Variants in DOK6 observed in about 807,000 individuals in gnomAD.
DOK6 encodes downstream of tyrosine kinase 6.
DOK6 carries 22 observed loss-of-function variants against 44.0 expected under a neutral mutation model. The ratio of observed to expected loss-of-function variants is 0.50; its 90% CI spans 0.36 to 0.71. The LOEUF (loss-of-function observed/expected upper bound fraction) is 0.71. Ranked by LOEUF, DOK6 falls within the 30% of genes least tolerant of loss-of-function variation. The pLI is 0.00. For synonymous variants in DOK6, 166 were observed against 145.5 expected (o/e 1.14, Z -1.01); for missense variants, 340 against 416.4 (o/e 0.82, Z 1.60).
intron 3 of DOK6, among the ~76,000 whole-genome samples, chr18:69,672,782 A>G (rs1985836270): frequency 6.6e-6 from 1 of 152,152 alleles, no homozygotes; most frequent in African/African-American, 2.4e-5. Context: ...AAGTCACGCC[A>G]GTTTTCAAGA....
chr18:69,770,384 G>C (rs1237639703), intron 7 of DOK6, among the ~76,000 whole-genome samples: 2 of 152,092 alleles, frequency 1.3e-5, no homozygotes, highest in African/African-American at 4.8e-5. Context: ...TTTAAGCAGA[G>C]AGAAAGAAAA....
intron 6 of DOK6, among the ~76,000 whole-genome samples, chr18:69,747,939 C>T (rs1351045062): frequency 1.3e-5 from 2 of 152,060 alleles, no homozygotes; most frequent in Non-Finnish European, 2.9e-5. Context: ...TAATGTCACA[C>T]CTACCATATG....
intron 2 of DOK6, among the ~76,000 whole-genome samples, chr18:69,592,068 G>A (rs12456926): frequency 0.76 from 115,927 of 151,886 alleles, 47,228 homozygotes; most frequent in Non-Finnish European, 0.91. Context: ...TTAAAATGCT[G>A]TTTGTGTTGG....
At chr18:69,730,983 T>A (rs2144731221) in intron 5 of DOK6, among the ~76,000 whole-genome samples, 1 of 152,220 alleles carries the variant, frequency 6.6e-6, no homozygotes, top group Admixed American at 6.5e-5. Context: ...AAAAATTCAG[T>A]AGATCAAACA....
chr18:69,576,890 A>G (rs1317343584), intron 2 of DOK6, among the ~76,000 whole-genome samples: 4 of 152,194 alleles, frequency 2.6e-5, no homozygotes, highest in African/African-American at 7.2e-5. Flanking sequence ...TAGACATTTT[A>G]ATAAAATAAA....
intron 4 of DOK6, among the ~76,000 whole-genome samples, chr18:69,694,939 CTCT>C (rs1336028883): frequency 6.6e-6 from 1 of 152,156 alleles, no homozygotes; most frequent in African/African-American, 2.4e-5. Flanking sequence ...ATGCTCCTGT[CTCT>C]TGTTTTGTTC....
chr18:69,606,849 C>T (rs1984010999), intron 3 of DOK6, among the ~76,000 whole-genome samples: 2 of 150,680 alleles, frequency 1.3e-5, no homozygotes, highest in African/African-American at 4.9e-5. Flanking sequence ...CTGCAACCTC[C>T]GCCTCCCAGG....
intron 1 of DOK6, among the ~76,000 whole-genome samples, chr18:69,448,137 G>A (rs574937544): frequency 1.1e-4 from 17 of 152,266 alleles, no homozygotes; most frequent in African/African-American, 3.1e-4. Context: ...GAGATGGTAG[G>A]CAGACAACTT....
chr18:69,790,773 T>C (rs977207341), intron 7 of DOK6, among the ~76,000 whole-genome samples: 5 of 152,162 alleles, frequency 3.3e-5, no homozygotes, highest in African/African-American at 1.2e-4. Context: ...TTATCTTTTC[T>C]TCATGTTACA....
chr18:69,610,856 A>C (rs141083558), intron 3 of DOK6, among the ~76,000 whole-genome samples: 4 of 152,270 alleles, frequency 2.6e-5, no homozygotes, highest in African/African-American at 9.6e-5. Flanking sequence ...TTGAGCATTC[A>C]TTGATTTTGG....
chr18:69,497,639 T>C (rs1054034507), intron 1 of DOK6, among the ~76,000 whole-genome samples: 4 of 152,170 alleles, frequency 2.6e-5, no homozygotes, highest in African/African-American at 9.7e-5. Context: ...CTAACACCTA[T>C]TGGAAATAGA....
intron 5 of DOK6, among the ~76,000 whole-genome samples, chr18:69,704,353 C>T (rs1241969921): frequency 6.6e-6 from 1 of 152,074 alleles, no homozygotes; most frequent in Non-Finnish European, 1.5e-5. Flanking sequence ...CTTCTTCCTA[C>T]ACACTCAATT....
chr18:69,436,023 T>C (rs187249602), intron 1 of DOK6, among the ~76,000 whole-genome samples: 1 of 152,288 alleles, frequency 6.6e-6, no homozygotes, highest in Admixed American at 6.5e-5. Flanking sequence ...TGAAGGTTTT[T>C]AATATTTATG....
At chr18:69,839,588 G>T (rs1310573361) in intron 7 of DOK6, among the ~76,000 whole-genome samples, 1 of 152,220 alleles carries the variant, frequency 6.6e-6, no homozygotes, top group Non-Finnish European at 1.5e-5. Context: ...GAGATTAAAA[G>T]AATTTGATGA....
chr18:69,772,519 A>T (rs1296500021), intron 7 of DOK6, among the ~76,000 whole-genome samples: 1 of 152,100 alleles, frequency 6.6e-6, no homozygotes, highest in African/African-American at 2.4e-5. Context: ...AAAGTTAGAC[A>T]TATAGAGTAA....
intron 5 of DOK6, among the ~76,000 whole-genome samples, chr18:69,721,151 T>C (rs1293428074): frequency 6.6e-6 from 1 of 152,232 alleles, no homozygotes; most frequent in Non-Finnish European, 1.5e-5. Context: ...TTCCCTTTTG[T>C]ATTATTGTCA....
chr18:69,799,916 A>C (rs1348712036), intron 7 of DOK6, among the ~76,000 whole-genome samples: 2 of 152,122 alleles, frequency 1.3e-5, no homozygotes, highest in Admixed American at 6.6e-5. Context: ...TTTAATATAA[A>C]AGCAAATAAA....
intron 7 of DOK6, among the ~76,000 whole-genome samples, chr18:69,776,469 A>G (rs1208768946): frequency 6.6e-6 from 1 of 152,088 alleles, no homozygotes; most frequent in Non-Finnish European, 1.5e-5. Context: ...GATAATGAAA[A>G]CACTACATCA....
chr18:69,646,443 T>A (rs1464770155), intron 3 of DOK6, among the ~76,000 whole-genome samples: 4 of 152,172 alleles, frequency 2.6e-5, no homozygotes, highest in Non-Finnish European at 5.9e-5. Context: ...AATTACCAGT[T>A]ATTATGTATT....
Sources: gnomAD v4.1 joint callset for allele counts (sites outside exome capture counted in the v4.1 genomes callset) on GRCh38, gnomAD v4.1.1 for gene constraint, MANE v1.5 for transcripts, NCBI Gene and HGNC (gene_info 2026-07-23, HGNC 2026-07-21) for gene names.